Variants in MACROD2 observed in about 807,000 individuals in gnomAD.
MACROD2 encodes the protein ADP-ribose glycohydrolase MACROD2.
Under a neutral mutation model 70.4 loss-of-function variants are expected in MACROD2, and 36 were observed. The observed-to-expected ratio is 0.51, with a 90% CI of 0.39 to 0.68. The LOEUF is 0.68. MACROD2 is among the 30% of genes least tolerant of loss of function. The probability of loss-of-function intolerance (pLI) is 0.00; values close to 1 mark genes in which losing one functional copy is unlikely to be tolerated. For missense variants in MACROD2, 496 were observed against 538.4 expected, an observed-to-expected ratio of 0.92 and a Z score of 0.78; for synonymous variants, 172 against 178.8, an observed-to-expected ratio of 0.96 and a Z score of 0.30.
intron 3 of MACROD2, among the ~76,000 whole-genome samples, chr20:14,140,794 T>G (rs1164879902): frequency 6.6e-6 from 1 of 152,108 alleles, no homozygotes; most frequent in East Asian, 1.9e-4. Context: ...CTCTTTATTT[T>G]CGAAATGATT....
intron 8 of MACROD2, among the ~76,000 whole-genome samples, chr20:15,762,567 C>T (rs1324844273): frequency 6.6e-6 from 1 of 152,174 alleles, no homozygotes; most frequent in Non-Finnish European, 1.5e-5. Flanking sequence ...ATGTGACTTG[C>T]TTTGACCAAT....
chr20:14,495,734 AATG>A (rs1319098348), intron 4 of MACROD2, among the ~76,000 whole-genome samples: 1 of 152,246 alleles, frequency 6.6e-6, no homozygotes, highest in Non-Finnish European at 1.5e-5. Context: ...AATTTCTAGC[AATG>A]ATAAGACATT....
At chr20:15,843,272 C>T (rs2064194450) in intron 8 of MACROD2, among the ~76,000 whole-genome samples, 2 of 152,168 alleles carry the variant, frequency 1.3e-5, no homozygotes, top group African/African-American at 2.4e-5. Flanking sequence ...TCAAAGAAGG[C>T]AGGAGCTCAT....
chr20:14,862,194 C>A (rs868626226), intron 5 of MACROD2, among the ~76,000 whole-genome samples: 14 of 3,140 alleles, frequency 4.5e-3, no homozygotes, highest in African/African-American at 5.8e-3. Context: ...TATATTTATA[C>A]ATAAATATAT....
intron 7 of MACROD2, among the ~76,000 whole-genome samples, chr20:15,442,493 C>T (rs567855452): frequency 2.0e-5 from 3 of 152,152 alleles, no homozygotes; most frequent in South Asian, 4.2e-4. Context: ...TTTACTTACC[C>T]GCCCTGGTGC....
chr20:14,844,252 G>A (rs2073116435), intron 5 of MACROD2, among the ~76,000 whole-genome samples: 1 of 151,984 alleles, frequency 6.6e-6, no homozygotes, highest in South Asian at 2.1e-4. Flanking sequence ...GTTCAAAAAA[G>A]TTGATAGTCC....
chr20:15,676,485 C>T (rs138354344), intron 8 of MACROD2, among the ~76,000 whole-genome samples: 1 of 152,286 alleles, frequency 6.6e-6, no homozygotes, highest in African/African-American at 2.4e-5. Context: ...GCAGATTGGT[C>T]ATATATTTTG....
chr20:14,058,940 C>T (rs949997512), intron 2 of MACROD2, among the ~76,000 whole-genome samples: 5 of 152,110 alleles, frequency 3.3e-5, no homozygotes, highest in Admixed American at 6.5e-5. Flanking sequence ...CTGCGTCTGG[C>T]CTGTTTTATT....
chr20:14,647,548 G>A (rs562875422), intron 4 of MACROD2, among the ~76,000 whole-genome samples: 69 of 151,874 alleles, frequency 4.5e-4, no homozygotes, highest in Middle Eastern at 6.8e-3. Context: ...TTGTGCCCCA[G>A]TTTTTTTTCA....
At chr20:15,968,902 T>C (rs1178258642) in intron 13 of MACROD2, among the ~76,000 whole-genome samples, 2 of 148,362 alleles carry the variant, frequency 1.3e-5, no homozygotes, top group African/African-American at 5.0e-5. Flanking sequence ...GCTAATAAGA[T>C]ACTGAAGAAC....
intron 4 of MACROD2, among the ~76,000 whole-genome samples, chr20:14,618,101 C>T (rs1451997839): frequency 2.3e-5 from 1 of 43,750 alleles, no homozygotes. Flanking sequence ...ACCTGCCCTC[C>T]AATCCCTATG....
intron 3 of MACROD2, among the ~76,000 whole-genome samples, chr20:14,268,106 C>G (rs1261213427): frequency 6.6e-6 from 1 of 151,966 alleles, no homozygotes; most frequent in African/African-American, 2.4e-5. Context: ...CTCAAGATTG[C>G]ATAAGATTTG....
chr20:15,271,399 A>G (rs950338272), intron 6 of MACROD2, among the ~76,000 whole-genome samples: 3 of 152,190 alleles, frequency 2.0e-5, no homozygotes, highest in Non-Finnish European at 4.4e-5. Context: ...TTGGCGATTA[A>G]GTTTCAACCT....
At chr20:15,333,020 C>T (rs137945878) in intron 6 of MACROD2, among the ~76,000 whole-genome samples, 4 of 151,724 alleles carry the variant, frequency 2.6e-5, no homozygotes, top group Admixed American at 1.3e-4. Context: ...TGGGTAGATG[C>T]TCTTTAGGCT....
rs115922866 is a variant in MACROD2, at chr20:15,186,236, T to G, written c.419-43704T>G. Among the ~76,000 whole-genome samples, 398 of 152,286 alleles carry G rather than the reference T, an allele frequency of 2.6e-3. 2 individuals are homozygous for G. Among genetic ancestry groups the G allele is most frequent in the African/African-American group, 8.8e-3 (365 of 41,538 alleles). On this transcript the variant is annotated intron_variant, in intron 5 of 17. Transcript: ENST00000684519. ...TCTCTATCTAGATTTGAAAGTTATT[T>G]GTTCCACTTGTTCTTTCTCTCCTTC... is the stretch of plus-strand genomic sequence containing the variant.
chr20:14,908,275 C>T (rs943230754), intron 5 of MACROD2, among the ~76,000 whole-genome samples: 10 of 151,950 alleles, frequency 6.6e-5, no homozygotes, highest in African/African-American at 2.2e-4. Flanking sequence ...CAGGAGGCAG[C>T]GGTTGCAGTG....
Position 16,002,124 on chromosome 20 carries a change from C to G in MACROD2, c.1153+14966C>G, listed in dbSNP as rs920573017. ...AAAGTCTACCTGTTTAAGAGATACT[C>G]AATAAGTAGATCTCAAAGTTATCTC... On this transcript the variant is annotated intron_variant, in intron 15 of 17. Coordinates refer to ENST00000684519, the MANE Select transcript of MACROD2 (RefSeq NM_001351661.2). Among the ~76,000 whole-genome samples the G allele has an allele frequency of 2.6e-5, 4 of 151,936 alleles. No homozygotes were observed. The South Asian group carries it at 8.3e-4, about 31-fold the overall frequency.
chr20:14,230,654 T>TATATATATATATATATATAAAA, intron 3 of MACROD2, among the ~76,000 whole-genome samples: 11 of 74,242 alleles, frequency 1.5e-4, no homozygotes, highest in South Asian at 5.3e-4. Context: ...TATATATATA[T>TATATATATATATATATATAAAA]AACACAGGCT....
chr20:14,316,549 A>G (rs1421543086), intron 3 of MACROD2, among the ~76,000 whole-genome samples: 4 of 152,140 alleles, frequency 2.6e-5, no homozygotes, highest in Non-Finnish European at 5.9e-5. Flanking sequence ...TTTTTAAAAC[A>G]TGAGTTTTTT....
Sources: allele counts gnomAD v4.1 joint callset (sites outside exome capture counted in the v4.1 genomes callset), GRCh38; gene constraint gnomAD v4.1.1; transcripts MANE v1.5; gene names NCBI Gene and HGNC (gene_info 2026-07-23, HGNC 2026-07-21).